LIN7A: variants seen among roughly 807,000 people sequenced by gnomAD.
The protein encoded by LIN7A is lin-7 cell polarity scaffold A.
A neutral mutation model predicts 29.8 loss-of-function variants in LIN7A; 25 were observed. The ratio of observed to expected loss-of-function variants is 0.84; its 90% CI spans 0.61 to 1.17. The LOEUF (loss-of-function observed/expected upper bound fraction) is 1.17. LIN7A is among the 50% of genes most tolerant of loss of function. The probability of loss-of-function intolerance (pLI) is 0.00; values close to 1 mark genes in which losing one functional copy is unlikely to be tolerated. For missense variants in LIN7A, 239 were observed against 287.0 expected (o/e 0.83, Z 1.21); for synonymous variants, 118 against 107.5 (o/e 1.10, Z -0.60).
At chr12:80,908,602 C>A (rs181293192) in intron 1 of LIN7A, among the ~76,000 whole-genome samples, 59 of 152,152 alleles carry the variant, frequency 3.9e-4, no homozygotes, top group African/African-American at 1.3e-3. Context: ...CTATACTTTT[C>A]TGCACTTGAG....
In LIN7A at chr12:80,820,965, C is replaced by T. The variant is rs557228208; in HGVS notation, c.484-9282G>A. 5.9e-5 allele frequency among the ~76,000 whole-genome samples: 9 copies of T among 152,286 alleles called. No individual in the cohort carries two copies. In the East Asian group the frequency reaches 1.5e-3, roughly 26 times the overall value. On this transcript the variant is annotated intron_variant, in intron 4 of 5. Transcript: ENST00000552864. Reference sequence around the variant, plus strand: ...GCAGAGTGTTGTGACCGCCAGTTCTCATTGTTTGCCTCCAGGTCTGCATTA... The same window carrying T: ...GCAGAGTGTTGTGACCGCCAGTTCTTATTGTTTGCCTCCAGGTCTGCATTA...
At chr12:80,893,693 G>C (rs2120677818) in intron 1 of LIN7A, among the ~76,000 whole-genome samples, 1 of 152,296 alleles carries the variant, frequency 6.6e-6, no homozygotes, top group African/African-American at 2.4e-5. Flanking sequence ...TAGTGGGCAT[G>C]CCTGAAAGAA....
chr12:80,897,463 T>TAA (rs1875967877), intron 1 of LIN7A, among the ~76,000 whole-genome samples: 2 of 152,200 alleles, frequency 1.3e-5, no homozygotes, highest in South Asian at 4.1e-4. Flanking sequence ...AGAACACCTG[T>TAA]CTCCTATCAA....
chr12:80,837,216 T>C (rs2121532070), intron 4 of LIN7A, among the ~76,000 whole-genome samples: 1 of 152,308 alleles, frequency 6.6e-6, no homozygotes, highest in Non-Finnish European at 1.5e-5. Context: ...ATTTATGATA[T>C]TTACACATTG....
intron 1 of LIN7A, among the ~76,000 whole-genome samples, chr12:80,931,609 G>C (rs1877909880): frequency 6.7e-6 from 1 of 149,380 alleles, no homozygotes; most frequent in Non-Finnish European, 1.5e-5. Context: ...CCACACTCCT[G>C]CCTGGGCAAC....
chr12:80,927,758 T>C (rs994170932), intron 1 of LIN7A, among the ~76,000 whole-genome samples: 1 of 152,194 alleles, frequency 6.6e-6, no homozygotes, highest in Non-Finnish European at 1.5e-5. Context: ...GTGCACAATG[T>C]GCAGGTTTGT....
At chr12:80,863,897 T>G (rs1453992243) in intron 2 of LIN7A, among the ~76,000 whole-genome samples, 4 of 129,748 alleles carry the variant, frequency 3.1e-5, no homozygotes, top group Non-Finnish European at 4.7e-5. Context: ...AAGGCTTGTT[T>G]GTTTGTTTTT....
Position 80,832,404 on chromosome 12 carries a change from A to C in LIN7A, c.483+13326T>G, listed in dbSNP as rs551608203. Reference sequence around the variant, plus strand: ...GCCTGTAGAGACAGATTCAATACCAAATTTAATAATGGCAAGCTGTCAATT... The same window carrying C: ...GCCTGTAGAGACAGATTCAATACCACATTTAATAATGGCAAGCTGTCAATT... On this transcript the variant is annotated intron_variant, in intron 4 of 5. Transcript: ENST00000552864. 8.3e-4 allele frequency: 335 copies of C among 404,764 alleles called. 2 individuals are homozygous for C. The highest frequency in any genetic ancestry group is 8.4e-4 in the Non-Finnish European group (168 of 200,928). The allele number at this position is 404,764 out of a possible 1,614,324, so 25.1% of individuals were successfully genotyped here.
intron 2 of LIN7A, among the ~76,000 whole-genome samples, chr12:80,870,254 C>T (rs1040103628): frequency 6.6e-6 from 1 of 152,144 alleles, no homozygotes; most frequent in South Asian, 2.1e-4. Context: ...TAAAACACTG[C>T]CATTTGCCAG....
rs1318759593 is a variant in LIN7A at position 80,845,715 on chromosome 12, A to G, written c.483+15T>C. On this transcript the variant is annotated intron_variant, in intron 4 of 5. Coordinates refer to ENST00000552864, the MANE Select transcript of LIN7A (RefSeq NM_004664.4). The stretch of plus-strand genomic sequence containing the variant: ...GTGCTTAAGGAGAAAATCTCTGGTT[A>G]TTTTATAAACATACCACTCCGTTCA... 2 of 1,595,074 alleles carry G rather than the reference A, an allele frequency of 1.3e-6. No individual in the cohort carries two copies. Among genetic ancestry groups the G allele is most frequent in the Admixed American group, 1.8e-5 (1 of 56,444 alleles).
At chr12:80,874,148 T>C (rs1874566715) in intron 2 of LIN7A, among the ~76,000 whole-genome samples, 1 of 152,148 alleles carries the variant, frequency 6.6e-6, no homozygotes, top group Admixed American at 6.5e-5. Flanking sequence ...ATGTCAACCA[T>C]GGGAAAAACA....
intron 2 of LIN7A, among the ~76,000 whole-genome samples, chr12:80,876,873 G>T (rs1463544605): frequency 6.6e-6 from 1 of 152,134 alleles, no homozygotes; most frequent in Non-Finnish European, 1.5e-5. Context: ...TGTAATCCCA[G>T]CACTTTGGGA....
At chr12:80,828,959 C>T (rs1362538449) in intron 4 of LIN7A, among the ~76,000 whole-genome samples, 1 of 152,058 alleles carries the variant, frequency 6.6e-6, no homozygotes, top group East Asian at 1.9e-4. Flanking sequence ...TGATTTTAGT[C>T]TTTCCACACT....
chr12:80,833,866 T>C (rs960363098), intron 4 of LIN7A, among the ~76,000 whole-genome samples: 1 of 152,206 alleles, frequency 6.6e-6, no homozygotes, highest in African/African-American at 2.4e-5. Flanking sequence ...GAATTTTCGC[T>C]ACACTGTCCA....
intron 4 of LIN7A, among the ~76,000 whole-genome samples, chr12:80,828,169 G>A (rs1468944921): frequency 6.6e-6 from 1 of 152,044 alleles, no homozygotes; most frequent in Admixed American, 6.6e-5. Flanking sequence ...AGTCAATTTG[G>A]CAATATCTAT....
chr12:80,855,749 A>G (rs1479385746), intron 2 of LIN7A, among the ~76,000 whole-genome samples: 1 of 152,158 alleles, frequency 6.6e-6, no homozygotes, highest in Admixed American at 6.6e-5. Flanking sequence ...ATGTAAATGT[A>G]CATACTGTAC....
At chr12:80,826,734 G>C (rs1872099620) in intron 4 of LIN7A, among the ~76,000 whole-genome samples, 1 of 152,098 alleles carries the variant, frequency 6.6e-6, no homozygotes, top group Non-Finnish European at 1.5e-5. Flanking sequence ...TGTTGGCCAG[G>C]TTGGTCTCGA....
At chr12:80,800,712 C>G (rs1870681139) in intron 5 of LIN7A, among the ~76,000 whole-genome samples, 1 of 151,900 alleles carries the variant, frequency 6.6e-6, no homozygotes. Context: ...TTCAGCATAT[C>G]AGATAGAAGC....
chr12:80,878,323 T>C (rs1328916333), intron 2 of LIN7A, among the ~76,000 whole-genome samples: 1 of 152,228 alleles, frequency 6.6e-6, no homozygotes, highest in African/African-American at 2.4e-5. Context: ...AATAGAACTA[T>C]AACTATACTT....
Sources: gnomAD v4.1 joint callset for allele counts (sites outside exome capture counted in the v4.1 genomes callset) on GRCh38, gnomAD v4.1.1 for gene constraint, MANE v1.5 for transcripts, NCBI Gene and HGNC (gene_info 2026-07-23, HGNC 2026-07-21) for gene names.